The following SLC10A1 variants were observed in gnomAD, a reference collection of about 807,000 sequenced individuals.
SLC10A1 encodes the protein solute carrier family 10 member 1.
In SLC10A1, 36 loss-of-function variants were observed where a neutral mutation model predicts 20.5. That is an observed-to-expected ratio of 1.75 (90% confidence interval 1.34 to 2.32). SLC10A1 has a LOEUF of 2.32. Ranked by LOEUF, SLC10A1 falls within the 30% of genes most tolerant of loss-of-function variation. SLC10A1 has a pLI of 0.00. For synonymous variants in SLC10A1, 188 were observed against 163.6 expected, an observed-to-expected ratio of 1.15 and a Z score of -1.14; for missense variants, 545 against 439.1, an observed-to-expected ratio of 1.24 and a Z score of -2.16.
At chr14:69,783,673 A>C (rs1186564566) in intron 2 of SLC10A1, among the ~76,000 whole-genome samples, 3 of 152,244 alleles carry the variant, frequency 2.0e-5, no homozygotes, top group African/African-American at 4.8e-5. Context: ...GGCTTTAAGC[A>C]GTGGAGTGAC....
chr14:69,777,587 T>TTG (rs1883476256), intron 4 of SLC10A1, among the ~76,000 whole-genome samples: 2 of 92,068 alleles, frequency 2.2e-5, no homozygotes, highest in Admixed American at 1.0e-4. Context: ...TGTTTTTTTT[T>TTG]TTTTTTTTTT....
chr14:69,786,760 G>T (rs957697507), intron 1 of SLC10A1, among the ~76,000 whole-genome samples: 1 of 152,200 alleles, frequency 6.6e-6, no homozygotes, highest in African/African-American at 2.4e-5. Context: ...CTAAATGTCT[G>T]GTTTAGAGCC....
At chr14:69,780,660 TATG>T (rs1236098031) in intron 2 of SLC10A1, among the ~76,000 whole-genome samples, 1 of 152,236 alleles carries the variant, frequency 6.6e-6, no homozygotes, top group Non-Finnish European at 1.5e-5. Flanking sequence ...TTGCAACTGA[TATG>T]ATCATATAAA....
chr14:69,786,186 C>CT lies in SLC10A1; in HGVS notation c.477_478insA (p.Val160SerfsTer118). ...ATGAGAACCAGGACCAGTGATATCA[C>CT]GATGCCTTTATAGGGCACCTTGTCC... On this transcript the variant is annotated frameshift_variant, in exon 2 of 5. Coordinates refer to ENST00000216540, the MANE Select transcript of SLC10A1 (RefSeq NM_003049.4). LOFTEE classifies it high-confidence loss of function. The CT allele has an allele frequency of 1.9e-6, 3 of 1,614,050 alleles. No individual in the cohort carries two copies. Among genetic ancestry groups the CT allele is most frequent in the Non-Finnish European group, 2.5e-6 (3 of 1,179,992 alleles).
At position 69,778,470 on chromosome 14, in the gene SLC10A1, A is replaced by C. The variant is rs201672997; in HGVS notation, c.806T>G (p.Ile269Ser). ...GCQNVQLCST[I>S]LNVAFPPEVI... ...TTCAGGTGGAAAGGCCACATTGAGG[A>C]TGGTGGAACAGAGTTGGACATTTTG... is the stretch of plus-strand genomic sequence containing the variant. Residue 269 changes from isoleucine (I) to serine (S), a missense_variant, in exon 4 of 5, where the codon ATC becomes AGC. Transcript: ENST00000216540. The C allele has an allele frequency of 5.6e-6, 9 of 1,613,738 alleles. No individual in the cohort carries two copies. Among genetic ancestry groups the C allele is most frequent in the Non-Finnish European group, 5.9e-6 (7 of 1,179,922 alleles).
intron 1 of SLC10A1, among the ~76,000 whole-genome samples, chr14:69,794,532 T>C (rs1056720424): frequency 2.0e-5 from 3 of 152,228 alleles, no homozygotes; most frequent in South Asian, 2.1e-4. Flanking sequence ...CATATACTTA[T>C]CCAGGTAAGG....
intron 1 of SLC10A1, among the ~76,000 whole-genome samples, chr14:69,791,784 C>G (rs1290478660): frequency 6.6e-6 from 1 of 152,194 alleles, no homozygotes; most frequent in Non-Finnish European, 1.5e-5. Context: ...GAGAAAAATT[C>G]ACTCAACGTG....
Position 69,776,253 on chromosome 14 carries a change from G to C in SLC10A1, c.*29C>G, listed in dbSNP as rs775709718. Reference sequence around the variant, plus strand: ...ACACTGGCTTTCAGAATTGCTTTGGGACCAGAATCCAGGCCACCAGGGGAA... The same window carrying C: ...ACACTGGCTTTCAGAATTGCTTTGGCACCAGAATCCAGGCCACCAGGGGAA... On this transcript the variant is annotated 3_prime_UTR_variant, in exon 5 of 5. Coordinates refer to ENST00000216540, the MANE Select transcript of SLC10A1 (RefSeq NM_003049.4). 1 of 1,558,776 alleles carries C rather than the reference G, an allele frequency of 6.4e-7. No homozygotes were observed. Among genetic ancestry groups the C allele is most frequent in the Non-Finnish European group, 8.8e-7 (1 of 1,133,996 alleles).
chr14:69,779,602 C>T (rs1000818538), intron 2 of SLC10A1, among the ~76,000 whole-genome samples: 5 of 152,168 alleles, frequency 3.3e-5, no homozygotes, highest in African/African-American at 4.8e-5. Context: ...GGACTCTTAG[C>T]GGTCCTCCTG....
chr14:69,776,699 A>C (rs1406426960), intron 4 of SLC10A1, among the ~76,000 whole-genome samples: 2 of 152,256 alleles, frequency 1.3e-5, no homozygotes, highest in African/African-American at 4.8e-5. Flanking sequence ...TCTGTGTTGC[A>C]TTCAGGGAAT....
rs1180659542 is a variant in SLC10A1 at position 69,788,570 on chromosome 14, A to T, written c.357-2263T>A. ...CTCTTTTTTTTTTTTTTTGAGATGG[A>T]GTCTTGCTCTGTCGCCCAGGCTGGA... On this transcript the variant is annotated intron_variant, in intron 1 of 4. Coordinates refer to ENST00000216540, the MANE Select transcript of SLC10A1 (RefSeq NM_003049.4). 4.8e-5 allele frequency among the ~76,000 whole-genome samples: 7 copies of T among 145,654 alleles called. No individual in the cohort carries two copies. In the Admixed American group the frequency reaches 4.8e-4, roughly 10 times the overall value.
chr14:69,779,042 T>A (rs1883519953), intron 3 of SLC10A1, 140 bp downstream of exon 3: 2 of 620,780 alleles, frequency 3.2e-6, no homozygotes. Context: ...GTGCCTATAG[T>A]CCCAGTTACT....
chr14:69,792,209 CAT>C (rs549762687), intron 1 of SLC10A1, among the ~76,000 whole-genome samples: 164 of 152,162 alleles, frequency 1.1e-3, no homozygotes, highest in African/African-American at 3.8e-3. Context: ...CCCTAAAAAA[CAT>C]AAACCACAAA....
chr14:69,791,313 T>A (rs1430170503), intron 1 of SLC10A1, among the ~76,000 whole-genome samples: 1 of 152,090 alleles, frequency 6.6e-6, no homozygotes, highest in Non-Finnish European at 1.5e-5. Flanking sequence ...GATTTTTTTT[T>A]TTTTTGAGAC....
intron 1 of SLC10A1, among the ~76,000 whole-genome samples, chr14:69,793,606 C>A (rs745645390): frequency 6.6e-6 from 1 of 152,088 alleles, no homozygotes; most frequent in Non-Finnish European, 1.5e-5. Flanking sequence ...TTCTGGGACC[C>A]CAGTGGCTTC....
intron 3 of SLC10A1, among the ~76,000 whole-genome samples, chr14:69,778,816 C>T (rs966236020): frequency 6.6e-6 from 1 of 152,094 alleles, no homozygotes; most frequent in Non-Finnish European, 1.5e-5. Flanking sequence ...GCTTCTTATT[C>T]GTTTCCTGAA....
chr14:69,777,173 G>A (rs1037883297), intron 4 of SLC10A1, among the ~76,000 whole-genome samples: 2 of 152,148 alleles, frequency 1.3e-5, no homozygotes, highest in Non-Finnish European at 2.9e-5. Context: ...TTTTGTAAGA[G>A]GGCAGCAAAT....
Position 69,797,044 on chromosome 14 carries a change from TGAA to T in SLC10A1, c.109_111del (p.Phe37del), listed in dbSNP as rs1299867672. The T allele has an allele frequency of 6.2e-7, 1 of 1,614,106 alleles. No individual in the cohort carries two copies. Among genetic ancestry groups the T allele is most frequent in the African/African-American group, 1.3e-5 (1 of 75,018 alleles). On this transcript the variant is annotated inframe_deletion, in exon 1 of 5. Coordinates refer to ENST00000216540, the MANE Select transcript of SLC10A1 (RefSeq NM_003049.4). Reference sequence around the variant, plus strand: ...ATGGTGCAGCCCAGCGAGAGCATGATGAAGAACAACATGAACACCAGGATGACG... The same window carrying T: ...ATGGTGCAGCCCAGCGAGAGCATGATGAACAACATGAACACCAGGATGACG...
At chr14:69,791,698 C>G (rs1883844623) in intron 1 of SLC10A1, among the ~76,000 whole-genome samples, 1 of 152,136 alleles carries the variant, frequency 6.6e-6, no homozygotes, top group South Asian at 2.1e-4. Flanking sequence ...AGGGTAGCCA[C>G]ATAGACCCGT....
Sources: allele counts gnomAD v4.1 joint callset (sites outside exome capture counted in the v4.1 genomes callset), GRCh38; gene constraint gnomAD v4.1.1; transcripts MANE v1.5; gene names NCBI Gene and HGNC (gene_info 2026-07-23, HGNC 2026-07-21).